Variants in FSTL4 observed in about 807,000 individuals in gnomAD.
The protein encoded by FSTL4 is follistatin like 4, also known as follistatin-related protein 4.
A neutral mutation model predicts 78.2 loss-of-function variants in FSTL4; 28 were observed. That is an observed-to-expected ratio of 0.36 (90% CI 0.27 to 0.49). The LOEUF is 0.49. Among genes scored for constraint, FSTL4 ranks in the 20% least tolerant of loss-of-function variants. FSTL4 has a pLI of 0.98. For synonymous variants in FSTL4, 422 were observed against 440.5 expected, an observed-to-expected ratio of 0.96 and a Z score of 0.53; for missense variants, 922 against 1,084.9, an observed-to-expected ratio of 0.85 and a Z score of 2.11.
intron 7 of FSTL4, among the ~76,000 whole-genome samples, chr5:133,233,901 TGAG>T (rs1233092573): frequency 6.6e-6 from 1 of 152,162 alleles, no homozygotes; most frequent in African/African-American, 2.4e-5. Context: ...GCTCACCTGA[TGAG>T]CAGCTCTGTT....
chr5:133,303,571 C>T (rs541754209), intron 6 of FSTL4, among the ~76,000 whole-genome samples: 5 of 152,332 alleles, frequency 3.3e-5, no homozygotes, highest in African/African-American at 9.6e-5. Context: ...CACTATGTCC[C>T]GTGTGAGTGG....
chr5:133,433,003 T>C (rs1039764685), intron 3 of FSTL4, among the ~76,000 whole-genome samples: 1 of 152,190 alleles, frequency 6.6e-6, no homozygotes, highest in Non-Finnish European at 1.5e-5. Context: ...GAAGGCTTCT[T>C]GGGTTCTTTC....
chr5:133,622,153 G>A, the FSTL4 span, among the ~76,000 whole-genome samples: 1 of 151,914 alleles, frequency 6.6e-6, no homozygotes, highest in Non-Finnish European at 1.5e-5. Flanking sequence ...CATACAACAT[G>A]TAACCTTTGG....
rs965042357 is a variant in FSTL4, at chr5:133,440,527, G to A, written c.161-39541C>T. Among the ~76,000 whole-genome samples the A allele has an allele frequency of 1.3e-5, 2 of 152,192 alleles. No individual in the cohort carries two copies. The highest frequency in any genetic ancestry group is 2.1e-4 in the South Asian group (1 of 4,830). ...TGAGACTTTAAATTCAACTTCCTGGGAGAAGCAGTCGGTACTGGACTTAGC... is the reference window on the plus strand; with the variant it reads ...TGAGACTTTAAATTCAACTTCCTGGAAGAAGCAGTCGGTACTGGACTTAGC... On this transcript the variant is annotated intron_variant, in intron 3 of 15. Transcript: ENST00000265342. The surrounding 1 kb of genome is among the most constrained non-coding windows in gnomAD (Gnocchi z 4.1).
chr5:133,205,910 G>A (rs75431300), intron 14 of FSTL4, among the ~76,000 whole-genome samples: 2,222 of 152,168 alleles, frequency 0.015, 54 homozygotes, highest in African/African-American at 0.051. Context: ...GAAATGAGTC[G>A]GAGTCAGACA....
At chr5:133,382,784 A>G (rs1350015936) in intron 4 of FSTL4, among the ~76,000 whole-genome samples, 2 of 152,204 alleles carry the variant, frequency 1.3e-5, no homozygotes, top group Admixed American at 6.5e-5. Flanking sequence ...TTAACTGAGA[A>G]ACACATTATT....
Position 133,230,816 on chromosome 5 carries a change from C to T in FSTL4, c.1015+2601G>A, listed in dbSNP as rs552710936. ...ATCCCTCCTCCCCAGAACCTTCTGT[C>T]GTGCCTTCTGGAACTCATGTTCTGT... On this transcript the variant is annotated intron_variant, in intron 8 of 15. Transcript: ENST00000265342. 3.9e-5 allele frequency among the ~76,000 whole-genome samples: 6 copies of T among 152,294 alleles called. No homozygotes were observed. The East Asian group carries it at 7.7e-4, about 20-fold the overall frequency.
chr5:133,413,250 T>A (rs1561707923), intron 3 of FSTL4, among the ~76,000 whole-genome samples: 1 of 152,192 alleles, frequency 6.6e-6, no homozygotes. Context: ...TAATTCCTTC[T>A]TATACCTCAA....
At chr5:133,571,848 C>A (rs989532949) in intron 2 of FSTL4, among the ~76,000 whole-genome samples, 7 of 151,818 alleles carry the variant, frequency 4.6e-5, no homozygotes, top group African/African-American at 1.7e-4. Context: ...CACAGAAGAT[C>A]TGAAAGGAAA....
intron 12 of FSTL4, among the ~76,000 whole-genome samples, chr5:133,219,949 T>C (rs1049470990): frequency 1.3e-5 from 2 of 152,194 alleles, no homozygotes; most frequent in Non-Finnish European, 2.9e-5. Flanking sequence ...ATAACTCAAA[T>C]GAAACAGCCT....
At chr5:133,498,003 T>C (rs940602781) in intron 3 of FSTL4, among the ~76,000 whole-genome samples, 3 of 152,022 alleles carry the variant, frequency 2.0e-5, no homozygotes, top group African/African-American at 4.8e-5. Flanking sequence ...TCTCCATGCA[T>C]GGCACCCAGC....
intron 3 of FSTL4, among the ~76,000 whole-genome samples, chr5:133,565,274 A>G (rs1284681256): frequency 6.6e-6 from 1 of 152,184 alleles, no homozygotes; most frequent in Non-Finnish European, 1.5e-5. Context: ...TAGTGCTTCT[A>G]TTCTTTTTAT....
the FSTL4 span, among the ~76,000 whole-genome samples, chr5:133,679,702 T>C: frequency 6.6e-6 from 1 of 152,176 alleles, no homozygotes; most frequent in East Asian, 1.9e-4. Flanking sequence ...ACAGGCTGTC[T>C]GCTCATGTCC....
chr5:133,228,686 A>G (rs1751403681), intron 8 of FSTL4, among the ~76,000 whole-genome samples: 1 of 152,258 alleles, frequency 6.6e-6, no homozygotes, highest in Non-Finnish European at 1.5e-5. Flanking sequence ...GCCTTTGAAA[A>G]AAGTTCAAAA....
intron 4 of FSTL4, among the ~76,000 whole-genome samples, chr5:133,394,650 C>T (rs1194423032): frequency 6.6e-6 from 1 of 152,222 alleles, no homozygotes; most frequent in African/African-American, 2.4e-5. Context: ...CTGTGGGCTC[C>T]TGCGTGGCCC....
the FSTL4 span, among the ~76,000 whole-genome samples, chr5:133,761,256 C>T: frequency 1.9e-3 from 286 of 152,124 alleles, 1 homozygote; most frequent in African/African-American, 6.1e-3. Context: ...GAAGTCATTT[C>T]GAAGACTCCA....
intron 4 of FSTL4, among the ~76,000 whole-genome samples, chr5:133,336,080 T>C (rs1298874192): frequency 6.6e-6 from 1 of 152,178 alleles, no homozygotes; most frequent in African/African-American, 2.4e-5. Flanking sequence ...TAACTCTAGA[T>C]CCCAGATTGA....
chr5:133,207,042 C>T (rs946165465), intron 14 of FSTL4, among the ~76,000 whole-genome samples: 1 of 152,058 alleles, frequency 6.6e-6, no homozygotes, highest in Non-Finnish European at 1.5e-5. Flanking sequence ...GAAAATATAG[C>T]CTACAACATC....
At chr5:133,831,226 C>T in the FSTL4 span, among the ~76,000 whole-genome samples, 4 of 152,298 alleles carry the variant, frequency 2.6e-5, no homozygotes, top group South Asian at 6.2e-4. Context: ...AAGGGTATGT[C>T]TGCATAGCCC....
Sources: allele counts gnomAD v4.1 joint callset (sites outside exome capture counted in the v4.1 genomes callset), GRCh38; gene constraint gnomAD v4.1.1; non-coding constraint Gnocchi (gnomAD v3.1); transcripts MANE v1.5; gene names NCBI Gene and HGNC (gene_info 2026-07-23, HGNC 2026-07-21).